Variants in DEPDC1B observed in about 807,000 individuals in gnomAD.
DEPDC1B encodes DEP domain containing 1B, also known as DEP domain-containing protein 1B.
DEPDC1B carries 51 observed loss-of-function variants against 66.5 expected under a neutral mutation model. The ratio of observed to expected loss-of-function variants is 0.77; its 90% CI spans 0.61 to 0.97. DEPDC1B has a LOEUF of 0.97. DEPDC1B is among the 50% of genes least tolerant of loss of function. The pLI is 0.00. For missense variants in DEPDC1B, 552 were observed against 637.1 expected (o/e 0.87, Z 1.44); for synonymous variants, 226 against 223.6 (o/e 1.01, Z -0.10).
At chr5:60,600,365 T>C (rs781780596) in intron 9 of DEPDC1B, among the ~76,000 whole-genome samples, 5 of 152,098 alleles carry the variant, frequency 3.3e-5, no homozygotes, top group Non-Finnish European at 5.9e-5. Flanking sequence ...TCCTTTGAAA[T>C]AGAAGGTTGC....
intron 7 of DEPDC1B, among the ~76,000 whole-genome samples, chr5:60,634,322 T>C (rs1334788604): frequency 6.6e-6 from 1 of 152,168 alleles, no homozygotes; most frequent in African/African-American, 2.4e-5. Context: ...TTGCTGACCA[T>C]ACATTATCTG....
At chr5:60,646,264 G>A (rs986260497) in intron 3 of DEPDC1B, among the ~76,000 whole-genome samples, 1 of 152,190 alleles carries the variant, frequency 6.6e-6, no homozygotes, top group Non-Finnish European at 1.5e-5. Flanking sequence ...ATTCTACAAT[G>A]AGCTTCGGTT....
intron 7 of DEPDC1B, among the ~76,000 whole-genome samples, chr5:60,619,925 C>G (rs1328356673): frequency 1.3e-5 from 2 of 152,160 alleles, no homozygotes; most frequent in African/African-American, 2.4e-5. Flanking sequence ...CAGCATGGTA[C>G]TGGTACCAAA....
intron 6 of DEPDC1B, among the ~76,000 whole-genome samples, chr5:60,639,234 C>A (rs1379734980): frequency 6.6e-6 from 1 of 152,100 alleles, no homozygotes; most frequent in East Asian, 1.9e-4. Flanking sequence ...CAATAATTTT[C>A]TTTGAAATAC....
intron 2 of DEPDC1B, among the ~76,000 whole-genome samples, chr5:60,650,772 A>G (rs1483745171): frequency 1.3e-5 from 2 of 152,166 alleles, no homozygotes; most frequent in African/African-American, 2.4e-5. Context: ...GTTTACAATC[A>G]TACCTCCTAA....
intron 2 of DEPDC1B, among the ~76,000 whole-genome samples, chr5:60,656,292 C>G (rs761097731): frequency 1.3e-5 from 2 of 151,812 alleles, no homozygotes; most frequent in Non-Finnish European, 2.9e-5. Context: ...TCCCGAGTAG[C>G]TGAGACTACA....
chr5:60,672,615 G>C (rs886274500), intron 2 of DEPDC1B, among the ~76,000 whole-genome samples: 2 of 152,144 alleles, frequency 1.3e-5, no homozygotes, highest in Non-Finnish European at 2.9e-5. Flanking sequence ...CATGAGATTT[G>C]GGTGGGGACA....
chr5:60,684,997 G>T (rs777762447), intron 2 of DEPDC1B, among the ~76,000 whole-genome samples: 1 of 152,076 alleles, frequency 6.6e-6, no homozygotes. Context: ...TAATCATGAG[G>T]GTAATGCAAA....
chr5:60,678,702 G>A (rs180984177), intron 2 of DEPDC1B, among the ~76,000 whole-genome samples: 1 of 152,280 alleles, frequency 6.6e-6, no homozygotes, highest in African/African-American at 2.4e-5. Context: ...TACTTTTGGT[G>A]ATATGTCTTT....
intron 2 of DEPDC1B, among the ~76,000 whole-genome samples, chr5:60,668,492 C>A (rs28647256): frequency 0.11 from 16,209 of 151,526 alleles, 1,213 homozygotes; most frequent in Non-Finnish European, 0.16. Context: ...CAAGGCTGGT[C>A]TCGAACTCCT....
Position 60,680,599 on chromosome 5 carries a change from T to G in DEPDC1B, c.314+6363A>C, listed in dbSNP as rs143208953. Among the ~76,000 whole-genome samples, 855 of 152,300 alleles carry G rather than the reference T, an allele frequency of 5.6e-3. 4 individuals carry two copies. The highest frequency in any genetic ancestry group is 0.017 in the Middle Eastern group (5 of 294). Reference sequence around the variant, plus strand: ...AAATATACAAAAAGAACCCTTATATTTTAGGTAGCTTTCTCTAACAAATAG... The same window carrying G: ...AAATATACAAAAAGAACCCTTATATGTTAGGTAGCTTTCTCTAACAAATAG... On this transcript the variant is annotated intron_variant, in intron 2 of 10. Coordinates refer to ENST00000265036, the MANE Select transcript of DEPDC1B (RefSeq NM_018369.3).
intron 2 of DEPDC1B, among the ~76,000 whole-genome samples, chr5:60,686,450 T>C (rs1402170146): frequency 2.0e-5 from 3 of 152,170 alleles, no homozygotes; most frequent in South Asian, 2.1e-4. Flanking sequence ...CATGATAAAA[T>C]AGCACTGAAA....
chr5:60,689,328 G>T (rs2112038741), intron 1 of DEPDC1B, among the ~76,000 whole-genome samples: 1 of 152,280 alleles, frequency 6.6e-6, no homozygotes. Context: ...TCAGTGAGGA[G>T]GAAATCAGGA....
chr5:60,682,783 T>C (rs1244542356), intron 2 of DEPDC1B, among the ~76,000 whole-genome samples: 3 of 152,146 alleles, frequency 2.0e-5, no homozygotes, highest in Admixed American at 6.5e-5. Context: ...AGTAACAAGA[T>C]TGAATCACTA....
chr5:60,679,395 T>C lies in DEPDC1B; in HGVS notation c.314+7567A>G, dbSNP rs753668203. ...ATTATTCAATAAATCTGGCGATAGC[T>C]ACATAACAAACTTTAGTTTCAAATT... On this transcript the variant is annotated intron_variant, in intron 2 of 10. Transcript: ENST00000265036. Among the ~76,000 whole-genome samples, 38 of 152,120 alleles carry C rather than the reference T, an allele frequency of 2.5e-4. 1 individual carries two copies. Among genetic ancestry groups the C allele is most frequent in the Non-Finnish European group, 4.4e-5 (3 of 68,024 alleles).
At chr5:60,614,039 G>A (rs780571246) in intron 7 of DEPDC1B, among the ~76,000 whole-genome samples, 1 of 152,114 alleles carries the variant, frequency 6.6e-6, no homozygotes, top group Non-Finnish European at 1.5e-5. Flanking sequence ...ACACCTCTGT[G>A]GTCCAGGGGA....
At chr5:60,666,990 G>A (rs1650816393) in intron 2 of DEPDC1B, among the ~76,000 whole-genome samples, 1 of 152,170 alleles carries the variant, frequency 6.6e-6, no homozygotes, top group African/African-American at 2.4e-5. Context: ...CAAAACCCAT[G>A]AGTAAAATAA....
chr5:60,613,835 TA>T (rs111810604), intron 7 of DEPDC1B, among the ~76,000 whole-genome samples: 2,179 of 150,750 alleles, frequency 0.014, 20 homozygotes, highest in Non-Finnish European at 0.02. Flanking sequence ...TGTGTATACA[TA>T]AAAAACAGAT....
At chr5:60,616,902 C>A (rs1464549988) in intron 7 of DEPDC1B, among the ~76,000 whole-genome samples, 1 of 152,126 alleles carries the variant, frequency 6.6e-6, no homozygotes, top group Non-Finnish European at 1.5e-5. Context: ...GTCAGGTTAC[C>A]CACAAAGGGA....
Sources: gnomAD v4.1 joint callset for allele counts (sites outside exome capture counted in the v4.1 genomes callset) on GRCh38, gnomAD v4.1.1 for gene constraint, MANE v1.5 for transcripts, NCBI Gene and HGNC (gene_info 2026-07-23, HGNC 2026-07-21) for gene names.